NEGR1: variants seen among roughly 807,000 people sequenced by gnomAD.
NEGR1 encodes IgLON family member 4.
In NEGR1, 10 loss-of-function variants were observed where a neutral mutation model predicts 40.9. The ratio of observed to expected loss-of-function variants is 0.24; its 90% CI spans 0.15 to 0.42. The LOEUF (loss-of-function observed/expected upper bound fraction) is 0.42, where lower values mean the gene tolerates loss of function less well. NEGR1 is among the 10% of genes least tolerant of loss of function. The pLI is 1.00. For missense variants in NEGR1, 352 were observed against 438.9 expected, an observed-to-expected ratio of 0.80 and a Z score of 1.77; for synonymous variants, 185 against 166.8, an observed-to-expected ratio of 1.11 and a Z score of -0.84.
intron 1 of NEGR1, among the ~76,000 whole-genome samples, chr1:71,983,489 C>T (rs1646370572): frequency 6.6e-6 from 1 of 152,102 alleles, no homozygotes; most frequent in African/African-American, 2.4e-5. Context: ...GAGATACTTC[C>T]TGCATTTGTA....
intron 2 of NEGR1, among the ~76,000 whole-genome samples, chr1:71,831,847 T>C (rs1658852762): frequency 6.6e-6 from 1 of 151,522 alleles, no homozygotes; most frequent in Non-Finnish European, 1.5e-5. Context: ...GCATACTGCT[T>C]TTAAGTGTGG....
At chr1:71,821,637 C>T (rs963395371) in intron 2 of NEGR1, among the ~76,000 whole-genome samples, 1 of 151,882 alleles carries the variant, frequency 6.6e-6, no homozygotes, top group Non-Finnish European at 1.5e-5. Flanking sequence ...AGTGTTGGAG[C>T]TATCAGTGAT....
chr1:71,869,597 T>C (rs894586623), intron 2 of NEGR1, among the ~76,000 whole-genome samples: 1 of 152,076 alleles, frequency 6.6e-6, no homozygotes, highest in Non-Finnish European at 1.5e-5. Context: ...TTTGAGGTAA[T>C]AGCATATTAT....
At chr1:72,156,651 G>A (rs1651366734) in intron 1 of NEGR1, among the ~76,000 whole-genome samples, 1 of 151,994 alleles carries the variant, frequency 6.6e-6, no homozygotes, top group Non-Finnish European at 1.5e-5. Context: ...TCAAACCAAG[G>A]AACTACAGTG....
chr1:71,760,228 G>C (rs569043783), intron 3 of NEGR1, among the ~76,000 whole-genome samples: 1 of 152,008 alleles, frequency 6.6e-6, no homozygotes, highest in Non-Finnish European at 1.5e-5. Context: ...CACCTTCCTC[G>C]AAGTATTGTG....
chr1:71,860,335 G>A (rs1301292588), intron 2 of NEGR1, among the ~76,000 whole-genome samples: 3 of 151,938 alleles, frequency 2.0e-5, no homozygotes, highest in Non-Finnish European at 2.9e-5. Context: ...TCACAGCAGA[G>A]CCATACTTTT....
At chr1:71,888,809 G>A (rs375852792) in intron 2 of NEGR1, among the ~76,000 whole-genome samples, 4 of 21,724 alleles carry the variant, frequency 1.8e-4, no homozygotes, top group Admixed American at 7.9e-4. Context: ...GCAGACTTAA[G>A]TGTCCCTGTC....
At chr1:71,816,967 A>C (rs1458574914) in intron 2 of NEGR1, among the ~76,000 whole-genome samples, 2 of 151,964 alleles carry the variant, frequency 1.3e-5, no homozygotes, top group Non-Finnish European at 2.9e-5. Context: ...AAAAATGACA[A>C]AAACTATCCT....
At chr1:72,035,172 C>T (rs1318908706) in intron 1 of NEGR1, among the ~76,000 whole-genome samples, 1 of 152,156 alleles carries the variant, frequency 6.6e-6, no homozygotes, top group African/African-American at 2.4e-5. Context: ...CCTCAAACCT[C>T]TGTAGGAAAT....
At chr1:71,902,698 T>A (rs1240496346) in intron 2 of NEGR1, among the ~76,000 whole-genome samples, 2 of 152,178 alleles carry the variant, frequency 1.3e-5, no homozygotes, top group African/African-American at 4.8e-5. Flanking sequence ...CATGCTCTAA[T>A]TACATATTTG....
intron 1 of NEGR1, among the ~76,000 whole-genome samples, chr1:72,083,510 C>A (rs896762456): frequency 2.0e-5 from 3 of 152,030 alleles, no homozygotes; most frequent in African/African-American, 7.2e-5. Context: ...AGGCACATAC[C>A]ACTATGCCCA....
At chr1:71,709,934 C>A (rs1411615604) in intron 3 of NEGR1, among the ~76,000 whole-genome samples, 1 of 152,126 alleles carries the variant, frequency 6.6e-6, no homozygotes, top group East Asian at 1.9e-4. Flanking sequence ...AGGATACAGT[C>A]TATGAGTTGA....
chr1:71,541,625 G>A (rs1194525909), intron 6 of NEGR1, among the ~76,000 whole-genome samples: 2 of 151,758 alleles, frequency 1.3e-5, no homozygotes, highest in African/African-American at 4.8e-5. Flanking sequence ...TAAGCCAGGT[G>A]GGTAAGGACA....
intron 1 of NEGR1, among the ~76,000 whole-genome samples, chr1:71,960,892 G>GAGAC (rs1646160570): frequency 6.6e-6 from 1 of 151,966 alleles, no homozygotes; most frequent in Non-Finnish European, 1.5e-5. Context: ...TGTCTCCACT[G>GAGAC]AGACAAAATT....
intron 6 of NEGR1, among the ~76,000 whole-genome samples, chr1:71,589,820 C>T (rs1264453874): frequency 6.6e-6 from 1 of 152,090 alleles, no homozygotes; most frequent in Non-Finnish European, 1.5e-5. Flanking sequence ...CTTTTGGAAA[C>T]CAAATCTGTT....
intron 2 of NEGR1, among the ~76,000 whole-genome samples, chr1:71,855,197 A>C (rs1659723308): frequency 6.6e-6 from 1 of 152,228 alleles, no homozygotes; most frequent in African/African-American, 2.4e-5. Flanking sequence ...ATATTTCCCC[A>C]TAAGCAGTCT....
intron 2 of NEGR1, among the ~76,000 whole-genome samples, chr1:71,900,123 G>T (rs1359676795): frequency 5.3e-5 from 8 of 152,138 alleles, no homozygotes; most frequent in Admixed American, 5.2e-4. Context: ...GCTTAAGGAA[G>T]GTCCTATGTA....
At chr1:72,248,159 G>C (rs537913084) in intron 1 of NEGR1, among the ~76,000 whole-genome samples, 3 of 152,248 alleles carry the variant, frequency 2.0e-5, no homozygotes, top group South Asian at 4.1e-4. Flanking sequence ...TTATAATTCA[G>C]TATGAGATTT....
At position 71,544,024 on chromosome 1, in the gene NEGR1, G is replaced by GTAT. The variant is rs536021361; in HGVS notation, c.940+48790_940+48792dup. Reference sequence around the variant, plus strand: ...CCCTGCAGCTGTTTATGAGGAAGATGTATTCATTGAGGCAACTGCCAGAAA... The same window carrying GTAT: ...CCCTGCAGCTGTTTATGAGGAAGATGTATTATTCATTGAGGCAACTGCCAGAAA... On this transcript the variant is annotated intron_variant, in intron 6 of 6. Coordinates refer to ENST00000357731, the MANE Select transcript of NEGR1 (RefSeq NM_173808.3). Among the ~76,000 whole-genome samples, 216 of 151,632 alleles carry GTAT rather than the reference G, an allele frequency of 1.4e-3. 1 individual carries two copies. The highest frequency in any genetic ancestry group is 1.7e-3 in the Non-Finnish European group (116 of 67,738).
Sources: allele counts gnomAD v4.1 joint callset (sites outside exome capture counted in the v4.1 genomes callset), GRCh38; gene constraint gnomAD v4.1.1; transcripts MANE v1.5; gene names NCBI Gene and HGNC (gene_info 2026-07-23, HGNC 2026-07-21).